The following MBNL1 variants were observed in gnomAD, a reference collection of about 807,000 sequenced individuals.
MBNL1 encodes the protein muscleblind like splicing regulator 1.
In MBNL1, 8 loss-of-function variants were observed where a neutral mutation model predicts 42.2. The ratio of observed to expected loss-of-function variants is 0.19; its 90% CI spans 0.11 to 0.34. The LOEUF is 0.34. Among genes scored for constraint, MBNL1 ranks in the 10% least tolerant of loss-of-function variants. The pLI is 1.00. For missense variants in MBNL1, 309 were observed against 495.3 expected (o/e 0.62, Z 3.57); for synonymous variants, 169 against 173.9 (o/e 0.97, Z 0.22).
At chr3:152,374,351 G>C (rs1413291725) in intron 2 of MBNL1, among the ~76,000 whole-genome samples, 3 of 152,194 alleles carry the variant, frequency 2.0e-5, no homozygotes, top group African/African-American at 4.8e-5. Context: ...GTAATGACCT[G>C]ATGAAAACTG....
At chr3:152,366,739 G>A (rs1211702385) in intron 2 of MBNL1, among the ~76,000 whole-genome samples, 1 of 152,136 alleles carries the variant, frequency 6.6e-6, no homozygotes, top group African/African-American at 2.4e-5. Flanking sequence ...GTAAGCTTTT[G>A]AATGTCATTA....
chr3:152,244,497 C>T (rs2032413611), intron 2 of MBNL1: 1 of 152,090 alleles, frequency 6.6e-6, no homozygotes, highest in Admixed American at 6.5e-5. Flanking sequence ...ATTTATATAG[C>T]AACAATTTAA....
At chr3:152,300,481 C>T (rs1366562747) in intron 2 of MBNL1, 114 bp downstream of exon 2, 10 of 899,496 alleles carry the variant, frequency 1.1e-5, no homozygotes, top group Non-Finnish European at 1.7e-5. Context: ...TTTAGTTATA[C>T]AGTGTGTTGA....
At chr3:152,332,925 AT>A (rs1433285611) in intron 2 of MBNL1, among the ~76,000 whole-genome samples, 1 of 152,170 alleles carries the variant, frequency 6.6e-6, no homozygotes. Flanking sequence ...GCTGACTGAA[AT>A]TAACCCAGAT....
At chr3:152,360,872 T>C (rs1198741546) in intron 2 of MBNL1, among the ~76,000 whole-genome samples, 1 of 152,162 alleles carries the variant, frequency 6.6e-6, no homozygotes, top group Admixed American at 6.6e-5. Context: ...GTCAACTTTA[T>C]CTAGATTTTG....
intron 2 of MBNL1, among the ~76,000 whole-genome samples, chr3:152,407,871 A>G (rs1579763593): frequency 1.3e-5 from 2 of 152,300 alleles, no homozygotes; most frequent in East Asian, 3.9e-4. Flanking sequence ...CAGCAAACTA[A>G]TGTAGAAACA....
chr3:152,329,131 T>C (rs2082388818), intron 2 of MBNL1, among the ~76,000 whole-genome samples: 1 of 152,044 alleles, frequency 6.6e-6, no homozygotes, highest in African/African-American at 2.4e-5. Context: ...AATGTGGAAC[T>C]GGAAGTGCTA....
At chr3:152,420,947 A>G (rs1437222641) in intron 3 of MBNL1, among the ~76,000 whole-genome samples, 3 of 152,238 alleles carry the variant, frequency 2.0e-5, no homozygotes, top group Non-Finnish European at 4.4e-5. Flanking sequence ...GGTGAAAAAC[A>G]CAGCATGAGA....
chr3:152,438,759 A>G (rs1241158420), intron 4 of MBNL1, among the ~76,000 whole-genome samples: 1 of 152,196 alleles, frequency 6.6e-6, no homozygotes, highest in African/African-American at 2.4e-5. Flanking sequence ...CAACTTTTTC[A>G]TCGTTTACTT....
chr3:152,290,116 T>A (rs185089801), intron 1 of MBNL1, among the ~76,000 whole-genome samples: 455 of 152,214 alleles, frequency 3.0e-3, no homozygotes, highest in Non-Finnish European at 5.4e-3. Flanking sequence ...CTGATTGAGG[T>A]TATCACACCA....
chr3:152,278,066 A>G (rs1387466397), intron 1 of MBNL1, among the ~76,000 whole-genome samples: 1 of 152,074 alleles, frequency 6.6e-6, no homozygotes, highest in Non-Finnish European at 1.5e-5. Context: ...GTATGGTGAA[A>G]ATCTATTTAG....
At chr3:152,269,750 T>C (rs1380153401) in intron 1 of MBNL1, 1 of 239,156 alleles carries the variant, frequency 4.2e-6, no homozygotes, top group Non-Finnish European at 8.5e-6. Context: ...CATCGTTTTG[T>C]AGTGCGTCAC....
At chr3:152,407,578 A>T (rs2098463873) in intron 2 of MBNL1, among the ~76,000 whole-genome samples, 1 of 152,182 alleles carries the variant, frequency 6.6e-6, no homozygotes, top group African/African-American at 2.4e-5. Flanking sequence ...CTATGAAATA[A>T]GTACAAGGGT....
chr3:152,350,536 G>A (rs899834111), intron 2 of MBNL1, among the ~76,000 whole-genome samples: 5 of 152,190 alleles, frequency 3.3e-5, no homozygotes, highest in African/African-American at 1.2e-4. Flanking sequence ...GTGGAAGCAT[G>A]TCTTTTTCAC....
chr3:152,342,553 A>AAAC (rs375205126), intron 2 of MBNL1, among the ~76,000 whole-genome samples: 1 of 146,000 alleles, frequency 6.8e-6, no homozygotes, highest in Non-Finnish European at 1.5e-5. Context: ...AACTAAACAA[A>AAAC]ACACACACAC....
chr3:152,456,496 T>C (rs939642850), intron 8 of MBNL1, 135 bp downstream of exon 8: 3 of 703,244 alleles, frequency 4.3e-6, no homozygotes, highest in Non-Finnish European at 7.9e-6. Context: ...GGTGCTTTAA[T>C]AAGCATGGGG....
chr3:152,374,539 C>G (rs550364451), intron 2 of MBNL1, among the ~76,000 whole-genome samples: 4 of 152,298 alleles, frequency 2.6e-5, no homozygotes, highest in South Asian at 2.1e-4. Flanking sequence ...TGGTATTCCC[C>G]TTATATGCCG....
chr3:152,294,485 C>A (rs146754178), intron 1 of MBNL1, among the ~76,000 whole-genome samples: 8,547 of 151,864 alleles, frequency 0.056, 316 homozygotes, highest in Non-Finnish European at 0.083. Flanking sequence ...GGGGTTTCAC[C>A]GTGTTAGCCA....
At chr3:152,342,554 AC>A (rs2093500674) in intron 2 of MBNL1, among the ~76,000 whole-genome samples, 1 of 9,940 alleles carries the variant, frequency 1.0e-4, no homozygotes, top group African/African-American at 5.6e-4. Flanking sequence ...ACTAAACAAA[AC>A]ACACACACAC....
Sources: gnomAD v4.1 joint callset for allele counts (sites outside exome capture counted in the v4.1 genomes callset) on GRCh38, gnomAD v4.1.1 for gene constraint, MANE v1.5 for transcripts, NCBI Gene and HGNC (gene_info 2026-07-23, HGNC 2026-07-21) for gene names.